The following FBXL13 variants were observed in gnomAD, a reference collection of about 807,000 sequenced individuals.
FBXL13 encodes F-box and leucine-rich repeat protein 13.
FBXL13 carries 67 observed loss-of-function variants against 83.6 expected under a neutral mutation model. The observed-to-expected ratio is 0.80, with a 90% confidence interval of 0.66 to 0.98. The LOEUF is 0.98. FBXL13 is among the 50% of genes least tolerant of loss of function. The probability of loss-of-function intolerance (pLI) is 0.00; values close to 1 mark genes in which losing one functional copy is unlikely to be tolerated. For missense variants in FBXL13, 822 were observed against 866.5 expected (o/e 0.95, Z 0.64); for synonymous variants, 272 against 299.5 (o/e 0.91, Z 0.95).
At chr7:102,832,221 T>C (rs1264324276) in intron 18 of FBXL13, among the ~76,000 whole-genome samples, 2 of 152,316 alleles carry the variant, frequency 1.3e-5, no homozygotes, top group East Asian at 3.9e-4. Flanking sequence ...AGAAAAATTA[T>C]AAAACACTTG....
intron 8 of FBXL13, among the ~76,000 whole-genome samples, chr7:102,947,716 T>TA (rs1181433090): frequency 1.3e-5 from 2 of 151,956 alleles, no homozygotes; most frequent in Non-Finnish European, 2.9e-5. Flanking sequence ...TTTACAGTAG[T>TA]AAAAAATACT....
At chr7:102,899,839 C>T (rs771440179) in intron 11 of FBXL13, among the ~76,000 whole-genome samples, 1 of 151,976 alleles carries the variant, frequency 6.6e-6, no homozygotes, top group East Asian at 1.9e-4. Flanking sequence ...TTTGGGAGGA[C>T]GAGGTGGGCA....
In FBXL13 at chr7:103,070,083, A is replaced by AC. The variant is rs1189964019; in HGVS notation, c.-105+4162_-105+4163insG. ...GACAGTGCAAGACTCTGTCTCAAAA[A>AC]AAAAAAAAAAAAAGAAATTACTAGG... is the stretch of plus-strand genomic sequence containing the variant. On this transcript the variant is annotated intron_variant, in intron 1 of 19. Transcript: ENST00000313221. 4.6e-5 allele frequency among the ~76,000 whole-genome samples: 7 copies of AC among 151,762 alleles called. No homozygotes were observed. The East Asian group carries it at 1.4e-3, about 29-fold the overall frequency.
At chr7:103,029,618 T>A (rs1235898993) in intron 2 of FBXL13, among the ~76,000 whole-genome samples, 200 bp from the exon 4 acceptor site, 1 of 152,164 alleles carries the variant, frequency 6.6e-6, no homozygotes. Context: ...GCTATTTTTT[T>A]AAGTTAAAAT....
chr7:103,028,847 G>A, intron 3 of FBXL13, 99 bp from the exon 5 acceptor site: 2 of 1,031,194 alleles, frequency 1.9e-6, no homozygotes, highest in East Asian at 3.1e-5. Flanking sequence ...TCTCCTTTAT[G>A]ACCTCAAAAA....
intron 8 of FBXL13, chr7:102,933,988 T>C (rs1404408609): frequency 1.9e-6 from 3 of 1,613,976 alleles, no homozygotes; most frequent in East Asian, 2.2e-5. Flanking sequence ...GCCCAGGCAG[T>C]GTGAGAAGCC....
chr7:102,900,228 A>G (rs910864463), intron 11 of FBXL13, among the ~76,000 whole-genome samples: 2 of 152,168 alleles, frequency 1.3e-5, no homozygotes, highest in South Asian at 4.1e-4. Context: ...GGACAACAGC[A>G]GTGGGCATTA....
At chr7:103,028,843 T>C in intron 3 of FBXL13, 95 bp from the exon 5 acceptor site, 1 of 1,062,788 alleles carries the variant, frequency 9.4e-7, no homozygotes, top group Non-Finnish European at 1.3e-6. Flanking sequence ...GATATCTCCT[T>C]TATGACCTCA....
chr7:103,055,589 A>G (rs547674288), intron 2 of FBXL13, 55 bp downstream of exon 2: 45 of 811,116 alleles, frequency 5.5e-5, no homozygotes, highest in Non-Finnish European at 7.4e-5. Context: ...CTATGCAATA[A>G]AAGTTTTCCT....
At chr7:103,014,836 T>G (rs1792071269) in intron 6 of FBXL13, among the ~76,000 whole-genome samples, 1 of 136,712 alleles carries the variant, frequency 7.3e-6, no homozygotes, top group South Asian at 2.3e-4. Flanking sequence ...GGCAGGAGAA[T>G]GGCATGAACC....
intron 6 of FBXL13, among the ~76,000 whole-genome samples, chr7:102,989,790 T>C (rs1829370785): frequency 6.6e-6 from 1 of 152,244 alleles, no homozygotes; most frequent in South Asian, 2.1e-4. Flanking sequence ...CAAACTCAGA[T>C]ACGGAAGAGG....
rs1225819966 is a variant in FBXL13 at position 102,848,339 on chromosome 7, G to A, written c.1719+6438C>T. 4.5e-5 allele frequency among the ~76,000 whole-genome samples: 5 copies of A among 110,002 alleles called. 2 individuals carry two copies. The highest frequency in any genetic ancestry group is 8.1e-5 in the Admixed American group (1 of 12,398). 72.2% of individuals were successfully genotyped at this position (110,002 alleles called of 152,430 possible). A position where few individuals can be genotyped will look rare whatever the true frequency, so the allele number is the denominator to read the frequency against. Reference sequence around the variant, plus strand: ...TGGGAGGCCGAGGCGGGCGGATCACGAGGTCAGGAGATCGAGACCATCCTG... The same window carrying A: ...TGGGAGGCCGAGGCGGGCGGATCACAAGGTCAGGAGATCGAGACCATCCTG... On this transcript the variant is annotated intron_variant, in intron 17 of 19. Coordinates refer to ENST00000313221, the Ensembl canonical transcript of FBXL13.
intron 17 of FBXL13, among the ~76,000 whole-genome samples, chr7:102,834,392 A>T (rs1193208058): frequency 6.8e-6 from 1 of 147,084 alleles, no homozygotes; most frequent in African/African-American, 2.5e-5. Flanking sequence ...ATATATATAT[A>T]TATTATATGC....
At chr7:103,037,732 A>G (rs964545854) in intron 2 of FBXL13, among the ~76,000 whole-genome samples, 2 of 152,060 alleles carry the variant, frequency 1.3e-5, no homozygotes, top group Admixed American at 1.3e-4. Flanking sequence ...GTTTGAGCTC[A>G]GGAATTCAAG....
intron 6 of FBXL13, among the ~76,000 whole-genome samples, chr7:102,989,266 G>T (rs964057568): frequency 6.6e-6 from 1 of 152,180 alleles, no homozygotes; most frequent in Non-Finnish European, 1.5e-5. Flanking sequence ...TAATGAGGCC[G>T]CTTTCTCTGC....
At chr7:102,981,409 C>A (rs1828211357) in intron 6 of FBXL13, among the ~76,000 whole-genome samples, 1 of 152,164 alleles carries the variant, frequency 6.6e-6, no homozygotes, top group African/African-American at 2.4e-5. Flanking sequence ...CTTTCCCCCC[C>A]TTACCCACCT....
At chr7:102,866,492 T>C (rs1423306412) in intron 16 of FBXL13, among the ~76,000 whole-genome samples, 2 of 152,226 alleles carry the variant, frequency 1.3e-5, no homozygotes, top group South Asian at 2.1e-4. Flanking sequence ...CTTCTTGTTA[T>C]GTGCTTTTTG....
Position 103,023,436 on chromosome 7 carries a change from C to A in FBXL13, c.495+1627G>T, listed in dbSNP as rs572288450. ...CATTAGAGAAATGTAAATCTCACACCAGTTAGAATGGCTATTATTAAAAAG... is the reference window on the plus strand; with the variant it reads ...CATTAGAGAAATGTAAATCTCACACAAGTTAGAATGGCTATTATTAAAAAG... On this transcript the variant is annotated intron_variant, in intron 6 of 19. Coordinates refer to ENST00000313221, the Ensembl canonical transcript of FBXL13. Among the ~76,000 whole-genome samples the A allele has an allele frequency of 2.0e-3, 304 of 152,150 alleles. 1 individual carries two copies. Among genetic ancestry groups the A allele is most frequent in the Non-Finnish European group, 3.2e-3 (219 of 67,998 alleles).
chr7:102,976,087 C>A, intron 6 of FBXL13: 2 of 766,440 alleles, frequency 2.6e-6, no homozygotes, highest in Non-Finnish European at 4.8e-6. Flanking sequence ...CTGCAAGGAC[C>A]ACCCCCATCC....
Sources: allele counts gnomAD v4.1 joint callset (sites outside exome capture counted in the v4.1 genomes callset), GRCh38; gene constraint gnomAD v4.1.1; transcripts MANE v1.5; gene names NCBI Gene and HGNC (gene_info 2026-07-23, HGNC 2026-07-21).